Variants in DENND1A observed in about 807,000 individuals in gnomAD.
DENND1A encodes the protein DENN domain containing 1A.
DENND1A carries 51 observed loss-of-function variants against 113.7 expected under a neutral mutation model. The ratio of observed to expected loss-of-function variants is 0.45; its 90% CI spans 0.36 to 0.57. The LOEUF (loss-of-function observed/expected upper bound fraction) is 0.57. Ranked by LOEUF, DENND1A falls within the 20% of genes least tolerant of loss-of-function variation. The probability of loss-of-function intolerance (pLI) is 0.00; values close to 1 mark genes in which losing one functional copy is unlikely to be tolerated. For synonymous variants in DENND1A, 565 were observed against 570.8 expected (o/e 0.99, Z 0.14); for missense variants, 1,258 against 1,395.9 (o/e 0.90, Z 1.57).
At chr9:123,484,262 A>G (rs1007782331) in intron 13 of DENND1A, among the ~76,000 whole-genome samples, 1 of 152,188 alleles carries the variant, frequency 6.6e-6, no homozygotes, top group Non-Finnish European at 1.5e-5. Context: ...TCTGGGTTTA[A>G]TCGCACCTCT....
At chr9:123,565,485 T>C (rs2058005339) in intron 12 of DENND1A, among the ~76,000 whole-genome samples, 1 of 152,096 alleles carries the variant, frequency 6.6e-6, no homozygotes. Context: ...AGATTTTTTA[T>C]TATTATTATT....
chr9:123,529,659 A>G (rs1235531927), intron 13 of DENND1A, among the ~76,000 whole-genome samples: 1 of 152,230 alleles, frequency 6.6e-6, no homozygotes, highest in Non-Finnish European at 1.5e-5. Context: ...ATGAAAATGG[A>G]AAAGAGGCCA....
intron 18 of DENND1A, among the ~76,000 whole-genome samples, chr9:123,442,301 C>G (rs551169448): frequency 2.6e-5 from 4 of 152,176 alleles, no homozygotes; most frequent in African/African-American, 9.6e-5. Context: ...AGGTGGCCCA[C>G]GTTTGATCAA....
At chr9:123,652,368 G>C (rs933174951) in intron 8 of DENND1A, 8 of 400,332 alleles carry the variant, frequency 2.0e-5, no homozygotes, top group Non-Finnish European at 3.2e-5. Context: ...TACAACATGA[G>C]GTCGCATCCA....
At chr9:123,752,685 G>A (rs943084677) in intron 5 of DENND1A, among the ~76,000 whole-genome samples, 1 of 152,218 alleles carries the variant, frequency 6.6e-6, no homozygotes, top group Non-Finnish European at 1.5e-5. Context: ...GGCCTTGATG[G>A]AGTATGTGCC....
At chr9:123,490,675 T>TAA (rs148526303) in intron 13 of DENND1A, among the ~76,000 whole-genome samples, 4 of 148,658 alleles carry the variant, frequency 2.7e-5, no homozygotes, top group African/African-American at 9.8e-5. Context: ...AGTAGCACAT[T>TAA]AAAAAAAAAA....
intron 13 of DENND1A, among the ~76,000 whole-genome samples, chr9:123,520,339 A>C (rs140293912): frequency 7.9e-5 from 12 of 151,910 alleles, no homozygotes; most frequent in African/African-American, 2.9e-4. Flanking sequence ...GGTGCCTGTA[A>C]TCTCAGCTAC....
At chr9:123,474,649 A>G (rs1480560266) in intron 13 of DENND1A, among the ~76,000 whole-genome samples, 1 of 152,200 alleles carries the variant, frequency 6.6e-6, no homozygotes. Flanking sequence ...TCTGGCTGTT[A>G]AGCTTAATAG....
intron 2 of DENND1A, among the ~76,000 whole-genome samples, chr9:123,854,574 A>C (rs1013399935): frequency 5.0e-4 from 76 of 152,006 alleles, no homozygotes; most frequent in African/African-American, 1.7e-3. Flanking sequence ...ATGCACCTGT[A>C]GTCCCAGCTA....
intron 3 of DENND1A, among the ~76,000 whole-genome samples, chr9:123,774,784 T>C (rs1830229613): frequency 6.6e-6 from 1 of 152,198 alleles, no homozygotes; most frequent in South Asian, 2.1e-4. Context: ...TAATACCTAA[T>C]ATGCAGTATT....
At chr9:123,568,503 G>A (rs1292005503) in intron 12 of DENND1A, among the ~76,000 whole-genome samples, 1 of 152,168 alleles carries the variant, frequency 6.6e-6, no homozygotes, top group Admixed American at 6.5e-5. Context: ...AAAGAATCAT[G>A]GGTTCACAAT....
At chr9:123,702,695 T>G (rs1264577231) in intron 5 of DENND1A, among the ~76,000 whole-genome samples, 1 of 152,156 alleles carries the variant, frequency 6.6e-6, no homozygotes, top group Non-Finnish European at 1.5e-5. Flanking sequence ...CAACCAAGAA[T>G]ACTGTACCCA....
chr9:123,613,926 T>A (rs1381663092), intron 10 of DENND1A, among the ~76,000 whole-genome samples: 4 of 152,236 alleles, frequency 2.6e-5, no homozygotes, highest in Non-Finnish European at 5.9e-5. Flanking sequence ...GACTCTTTTT[T>A]CCTTCTCCCC....
intron 2 of DENND1A, among the ~76,000 whole-genome samples, chr9:123,866,482 G>GTCTT (rs1845809938): frequency 6.6e-6 from 1 of 152,136 alleles, no homozygotes; most frequent in Non-Finnish European, 1.5e-5. Context: ...TTATCAAGTT[G>GTCTT]TCATATCTTT....
At position 123,594,123 on chromosome 9, in the gene DENND1A, T is replaced by C. The variant is rs1037886356; in HGVS notation, c.766-10853A>G. On this transcript the variant is annotated intron_variant, in intron 11 of 23. Transcript: ENST00000394215. The stretch of plus-strand genomic sequence containing the variant: ...TTGCCCAGTCTCAAGTAGTTCTTTA[T>C]AGTCGTGTGAGAATGGACTAATACA... Among the ~76,000 whole-genome samples, 35 of 152,224 alleles carry C rather than the reference T, an allele frequency of 2.3e-4. 1 individual carries two copies. The highest frequency in any genetic ancestry group is 5.9e-5 in the Non-Finnish European group (4 of 68,044).
intron 16 of DENND1A, among the ~76,000 whole-genome samples, chr9:123,454,394 C>G (rs2047955921): frequency 6.6e-6 from 1 of 152,212 alleles, no homozygotes. Context: ...GGTTACACAG[C>G]AGCAATTTTT....
At chr9:123,517,567 T>C (rs1588947628) in intron 13 of DENND1A, among the ~76,000 whole-genome samples, 1 of 147,006 alleles carries the variant, frequency 6.8e-6, no homozygotes, top group Non-Finnish European at 1.5e-5. Flanking sequence ...TGCAGTCAGC[T>C]GAGACCGTAC....
chr9:123,637,933 GCACACACACACACACACGCGCA>G (rs1159429253), intron 9 of DENND1A, among the ~76,000 whole-genome samples: 2 of 73,974 alleles, frequency 2.7e-5, no homozygotes, highest in East Asian at 3.3e-4. Context: ...ACACACACAC[GCACACACACACACACACGCGCA>G]CACACACACA....
intron 19 of DENND1A, 155 bp downstream of exon 19, chr9:123,440,205 G>T: frequency 2.0e-6 from 2 of 997,842 alleles, no homozygotes; most frequent in Non-Finnish European, 2.8e-6. Flanking sequence ...AAACATGTTT[G>T]CACCAAATAA....
Sources: gnomAD v4.1 joint callset for allele counts (sites outside exome capture counted in the v4.1 genomes callset) on GRCh38, gnomAD v4.1.1 for gene constraint, MANE v1.5 for transcripts, NCBI Gene and HGNC (gene_info 2026-07-23, HGNC 2026-07-21) for gene names.